The following MCTP1 variants were observed in gnomAD, a reference collection of about 807,000 sequenced individuals.
The protein encoded by MCTP1 is multiple C2 and transmembrane domain containing 1, also known as multiple C2 and transmembrane domain-containing protein 1.
Under a neutral mutation model 120.6 loss-of-function variants are expected in MCTP1, and 69 were observed. The ratio of observed to expected loss-of-function variants is 0.57; its 90% CI spans 0.47 to 0.70. MCTP1 has a LOEUF of 0.70. Among genes scored for constraint, MCTP1 ranks in the 30% least tolerant of loss-of-function variants. MCTP1 has a pLI of 0.00. For synonymous variants in MCTP1, 529 were observed against 493.1 expected (o/e 1.07, Z -0.96); for missense variants, 1,203 against 1,248.8 (o/e 0.96, Z 0.55).
chr5:94,997,692 C>A (rs1832880811), intron 2 of MCTP1, among the ~76,000 whole-genome samples: 1 of 152,124 alleles, frequency 6.6e-6, no homozygotes, highest in African/African-American at 2.4e-5. Flanking sequence ...ATCAATGGAC[C>A]TACGCTGATA....
At position 94,953,374 on chromosome 5, in the gene MCTP1, T is replaced by C. The variant is rs755438774; in HGVS notation, c.839-13A>G. On this transcript the variant is annotated splice_polypyrimidine_tract_variant and intron_variant, in intron 2 of 22. Coordinates refer to ENST00000515393, the MANE Select transcript of MCTP1 (RefSeq NM_024717.7). ...GGATCACTCGTCCCTGTTAAATAGA[T>C]AGATTGATCCATGTTAATCATGACT... 9.5e-6 allele frequency: 15 copies of C among 1,578,462 alleles called. No individual in the cohort carries two copies. The East Asian group carries it at 3.0e-4, about 31-fold the overall frequency.
intron 19 of MCTP1, among the ~76,000 whole-genome samples, chr5:94,777,172 A>G (rs1340770178): frequency 1.3e-5 from 2 of 152,196 alleles, no homozygotes; most frequent in Admixed American, 6.5e-5. Context: ...AGAAGAATAC[A>G]GTTGAATTCA....
intron 1 of MCTP1, among the ~76,000 whole-genome samples, chr5:95,283,495 T>C (rs1429070658): frequency 1.3e-5 from 2 of 152,260 alleles, no homozygotes; most frequent in Non-Finnish European, 2.9e-5. Context: ...GTGATCGTAA[T>C]TGTTTTTAAG....
chr5:95,276,908 T>C (rs577247704), intron 1 of MCTP1, among the ~76,000 whole-genome samples: 161 of 151,934 alleles, frequency 1.1e-3, no homozygotes, highest in South Asian at 4.6e-3. Flanking sequence ...GCCCATATCG[T>C]GCCACTGCAC....
intron 17 of MCTP1, among the ~76,000 whole-genome samples, chr5:94,805,692 G>A (rs188394567): frequency 4.7e-4 from 72 of 151,706 alleles, no homozygotes; most frequent in Admixed American, 4.6e-3. Flanking sequence ...TGCACAGAGA[G>A]AACTTTAAGG....
chr5:95,020,450 T>C (rs1333432772), intron 1 of MCTP1, among the ~76,000 whole-genome samples: 2 of 152,196 alleles, frequency 1.3e-5, no homozygotes, highest in African/African-American at 2.4e-5. Flanking sequence ...TTATATCCTT[T>C]GTTCTCTTTT....
intron 2 of MCTP1, among the ~76,000 whole-genome samples, chr5:94,967,959 G>A (rs1055757324): frequency 1.3e-5 from 2 of 152,048 alleles, no homozygotes; most frequent in African/African-American, 4.8e-5. Flanking sequence ...AATTTTAATA[G>A]CCAAGTATTA....
chr5:95,158,326 G>C (rs1745345609), intron 1 of MCTP1, among the ~76,000 whole-genome samples: 1 of 151,964 alleles, frequency 6.6e-6, no homozygotes, highest in South Asian at 2.1e-4. Flanking sequence ...ACTTTCTATA[G>C]GCCTTTGTGC....
chr5:94,920,676 A>G (rs1457030666), intron 7 of MCTP1, among the ~76,000 whole-genome samples: 1 of 151,888 alleles, frequency 6.6e-6, no homozygotes, highest in Non-Finnish European at 1.5e-5. Context: ...CGGGAGGCGA[A>G]GCTTATAGTG....
chr5:95,205,599 C>T (rs1202045709), intron 1 of MCTP1, among the ~76,000 whole-genome samples: 1 of 152,106 alleles, frequency 6.6e-6, no homozygotes, highest in Non-Finnish European at 1.5e-5. Flanking sequence ...TGATAAGGGA[C>T]TTGTATCTAG....
At chr5:95,169,322 A>G (rs1374840911) in intron 1 of MCTP1, among the ~76,000 whole-genome samples, 2 of 152,204 alleles carry the variant, frequency 1.3e-5, no homozygotes, top group East Asian at 3.8e-4. Flanking sequence ...GGATTTTTGC[A>G]TCAATGTTCA....
chr5:95,088,424 T>C (rs757660243), intron 1 of MCTP1, among the ~76,000 whole-genome samples: 1 of 152,224 alleles, frequency 6.6e-6, no homozygotes, highest in Non-Finnish European at 1.5e-5. Context: ...AAAAAATATG[T>C]TTGTAATCAT....
intron 1 of MCTP1, among the ~76,000 whole-genome samples, chr5:95,196,909 G>A (rs930641102): frequency 2.0e-5 from 3 of 152,102 alleles, no homozygotes; most frequent in Non-Finnish European, 4.4e-5. Context: ...GTTTTATTAA[G>A]CCAGCTTTTT....
At position 94,773,930 on chromosome 5, in the gene MCTP1, C is replaced by T. The variant is rs868377658; in HGVS notation, c.2610+5180G>A. Among the ~76,000 whole-genome samples the T allele has an allele frequency of 1.0e-4, 4 of 40,142 alleles. 1 individual carries two copies. Among genetic ancestry groups the T allele is most frequent in the Admixed American group, 7.3e-4 (3 of 4,130 alleles). The allele number at this position is 40,142 out of a possible 152,430, so 26.3% of individuals were successfully genotyped here. A position where few individuals can be genotyped will look rare whatever the true frequency, so the allele number is the denominator to read the frequency against. ...CCAAATCATATTAGATGAAATAGGC[C>T]GGGCGCGGTGGCTCACGCCTGTAAT... On this transcript the variant is annotated intron_variant, in intron 19 of 22. Coordinates refer to ENST00000515393, the MANE Select transcript of MCTP1 (RefSeq NM_024717.7).
At chr5:94,853,246 T>C (rs958249607) in intron 17 of MCTP1, among the ~76,000 whole-genome samples, 1 of 151,968 alleles carries the variant, frequency 6.6e-6, no homozygotes, top group Non-Finnish European at 1.5e-5. Flanking sequence ...TGAAACAATT[T>C]ATATTCTTAC....
At chr5:95,173,022 G>GTT (rs544381360) in intron 1 of MCTP1, among the ~76,000 whole-genome samples, 3 of 151,968 alleles carry the variant, frequency 2.0e-5, no homozygotes, top group Admixed American at 1.3e-4. Flanking sequence ...TTGTTCTGAT[G>GTT]TTTTTTTGTA....
intron 1 of MCTP1, among the ~76,000 whole-genome samples, chr5:95,159,319 C>A (rs953586670): frequency 2.0e-5 from 3 of 152,274 alleles, no homozygotes; most frequent in Middle Eastern, 3.4e-3. Context: ...ATTCAAGAGG[C>A]TATGCTAATA....
chr5:94,781,150 G>C (rs1316356252), intron 18 of MCTP1, among the ~76,000 whole-genome samples: 1 of 147,414 alleles, frequency 6.8e-6, no homozygotes, highest in African/African-American at 2.5e-5. Flanking sequence ...TTTTTTTGCT[G>C]AAATTACCCA....
rs539595702 is a variant in MCTP1 at position 95,138,971 on chromosome 5, T to TAC, written c.721-121489_721-121488dup. Among the ~76,000 whole-genome samples the TAC allele has an allele frequency of 3.2e-3, 491 of 152,296 alleles. 2 individuals are homozygous for TAC. The highest frequency in any genetic ancestry group is 5.7e-3 in the Non-Finnish European group (388 of 68,014). ...TCTCTATCTGTATATTATACACACA[T>TAC]ACACACACACATTATAAGGTTGTCA... On this transcript the variant is annotated intron_variant, in intron 1 of 22. Coordinates refer to ENST00000515393, the MANE Select transcript of MCTP1 (RefSeq NM_024717.7).
Sources: allele counts gnomAD v4.1 joint callset (sites outside exome capture counted in the v4.1 genomes callset), GRCh38; gene constraint gnomAD v4.1.1; transcripts MANE v1.5; gene names NCBI Gene and HGNC (gene_info 2026-07-23, HGNC 2026-07-21).